Variants in WASHC5 observed in about 807,000 individuals in gnomAD.
WASHC5 encodes the protein WASH complex subunit strumpellin.
Under a neutral mutation model 150.4 loss-of-function variants are expected in WASHC5, and 101 were observed. That is an observed-to-expected ratio of 0.67 (90% confidence interval 0.57 to 0.79). WASHC5 has a LOEUF of 0.79. WASHC5 is among the 30% of genes least tolerant of loss of function. The pLI is 0.00. For synonymous variants in WASHC5, 467 were observed against 491.2 expected (o/e 0.95, Z 0.65); for missense variants, 1,195 against 1,396.3 (o/e 0.86, Z 2.30).
At position 125,024,640 on chromosome 8, in the gene WASHC5, C is replaced by A. The variant is rs1200177583; in HGVS notation, c.3457G>T (p.Asp1153Tyr). 1.9e-6 allele frequency: 3 copies of A among 1,611,380 alleles called. No individual in the cohort carries two copies. Among genetic ancestry groups the A allele is most frequent in the Middle Eastern group, 3.3e-4 (2 of 6,070 alleles). Residue 1153 changes from aspartate (D) to tyrosine (Y), a missense_variant, in exon 29 of 29, where the codon GAT becomes TAT. Physicochemically the swap from Asp to Tyr is radical, Grantham distance 160. Coordinates refer to ENST00000318410, the MANE Select transcript of WASHC5 (RefSeq NM_014846.4). ...AGTTACAGCACTGTTCTGAACTCAT[C>A]AAAAATGAAATTAGGCACATGTGCT... ...AEAHVPNFIFDEFRTVL is the reference protein window; with the variant it reads ...AEAHVPNFIFYEFRTVL
At chr8:125,068,427 T>C (rs1816810485) in intron 9 of WASHC5, among the ~76,000 whole-genome samples, 1 of 152,190 alleles carries the variant, frequency 6.6e-6, no homozygotes, top group South Asian at 2.1e-4. Flanking sequence ...GCTGGGGGAA[T>C]TAAGTGTGCC....
intron 19 of WASHC5, among the ~76,000 whole-genome samples, chr8:125,048,191 A>G (rs1816130880): frequency 6.6e-6 from 1 of 152,230 alleles, no homozygotes; most frequent in African/African-American, 2.4e-5. Context: ...GTTGACATGC[A>G]TCCATGTAAT....
chr8:125,031,626 G>A (rs1027276961), intron 27 of WASHC5, among the ~76,000 whole-genome samples: 1 of 152,108 alleles, frequency 6.6e-6, no homozygotes, highest in Admixed American at 6.5e-5. Context: ...GACAGCAAAG[G>A]TTATGTAGCC....
rs72720509 is a variant in WASHC5, at chr8:125,029,494, A to G, written c.3336-787T>C. 6.1e-3 allele frequency among the ~76,000 whole-genome samples: 936 copies of G among 152,342 alleles called. 5 individuals are homozygous for G. The highest frequency in any genetic ancestry group is 9.3e-3 in the Non-Finnish European group (631 of 68,036). ...GGTGTGCTGGGTTCCCATCAGGAGT[A>G]TAAACTCCTCGAGGGCCTAGGTCAT... On this transcript the variant is annotated intron_variant, in intron 27 of 28. Transcript: ENST00000318410.
At position 125,038,454 on chromosome 8, in the gene WASHC5, TATG is replaced by T. The variant is rs572043467; in HGVS notation, c.3084+373_3084+375del. Among the ~76,000 whole-genome samples, 22 of 152,346 alleles carry T rather than the reference TATG, an allele frequency of 1.4e-4. No homozygotes were observed. The East Asian group carries it at 3.9e-3, about 27-fold the overall frequency. ...ACTGCAGGGAAGAGTTTGTAGCTTC[TATG>T]ATGAGTGGGATTACTGTCAGCCACA... On this transcript the variant is annotated intron_variant, in intron 25 of 28. Transcript: ENST00000318410.
intron 12 of WASHC5, 123 bp downstream of exon 12, chr8:125,060,959 T>C: frequency 1.5e-6 from 1 of 685,462 alleles, no homozygotes; most frequent in Non-Finnish European, 2.7e-6. Flanking sequence ...AACATATTAA[T>C]TCACATCGCT....
At chr8:125,088,348 C>G (rs1415654030) in intron 1 of WASHC5, among the ~76,000 whole-genome samples, 1 of 151,198 alleles carries the variant, frequency 6.6e-6, no homozygotes, top group Non-Finnish European at 1.5e-5. Context: ...TTGCTTAAAC[C>G]CAGGAGGCGG....
intron 14 of WASHC5, 33 bp from the exon 15 acceptor site, chr8:125,057,699 T>A: frequency 7.4e-7 from 1 of 1,344,386 alleles, no homozygotes; most frequent in South Asian, 1.2e-5. Context: ...CTGTTTCTTG[T>A]TTCAAAAAGA....
intron 28 of WASHC5, among the ~76,000 whole-genome samples, chr8:125,026,214 G>GT (rs774217283): frequency 3.9e-4 from 60 of 152,108 alleles, no homozygotes; most frequent in Non-Finnish European, 7.2e-4. Context: ...GAATCCGAAG[G>GT]TTTGTCATTT....
chr8:125,079,135 T>TATATATATATATATATATATATATAC (rs35442808), intron 5 of WASHC5, among the ~76,000 whole-genome samples: 2 of 117,474 alleles, frequency 1.7e-5, no homozygotes, highest in African/African-American at 3.7e-5. Context: ...TATATATATA[T>TATATATATATATATATATATATATAC]ATATACATTT....
rs1415555042 is a variant in WASHC5, at chr8:125,032,400, A to G, written c.3182-6T>C. The G allele has an allele frequency of 6.2e-7, 1 of 1,613,704 alleles. No individual in the cohort carries two copies. Among genetic ancestry groups the G allele is most frequent in the Non-Finnish European group, 8.5e-7 (1 of 1,180,014 alleles). On this transcript the variant is annotated splice_polypyrimidine_tract_variant and splice_region_variant and intron_variant, in intron 26 of 28. Coordinates refer to ENST00000318410, the MANE Select transcript of WASHC5 (RefSeq NM_014846.4). ...CGGTTTTCGGCAGACCATTCCTGCA[A>G]GGGAACAAGTTGCAACACCATATGA...
chr8:125,029,029 ACT>A (rs1491459995), intron 27 of WASHC5, among the ~76,000 whole-genome samples: 23 of 124,920 alleles, frequency 1.8e-4, no homozygotes, highest in South Asian at 4.9e-4. Context: ...ATCCCTGCAC[ACT>A]TTTTTTTTTT....
chr8:125,084,195 A>T (rs192946688), intron 1 of WASHC5, among the ~76,000 whole-genome samples, 173 bp from the exon 2 acceptor site: 1 of 152,194 alleles, frequency 6.6e-6, no homozygotes, highest in East Asian at 1.9e-4. Context: ...ATGTGGAGGG[A>T]CTTTGCTAGA....
chr8:125,050,572 G>C lies in WASHC5; in HGVS notation c.2191C>G (p.Arg731Gly), dbSNP rs201948254. 5 of 1,613,338 alleles carry C rather than the reference G, an allele frequency of 3.1e-6. No individual in the cohort carries two copies. The African/African-American group carries it at 4.0e-5, about 13-fold the overall frequency. ...CTCTGGTCACTGGGTACCTTGGCTCGAGGGTTGAATATCAGTCCCCTATGC... is the reference window on the plus strand; with the variant it reads ...CTCTGGTCACTGGGTACCTTGGCTCCAGGGTTGAATATCAGTCCCCTATGC... ...ALHRGLIFNP[R>G]AKPSELMPKL... The change falls in exon 18 of 29, where the codon CGA becomes GGA. Residue 731 changes from arginine to glycine, a missense_variant. Around this residue, in one of 3 missense-constraint regions of WASHC5, gnomAD observed 997 missense variants for 1,168.1 expected, o/e 0.85. Coordinates refer to ENST00000318410, the MANE Select transcript of WASHC5 (RefSeq NM_014846.4).
In WASHC5 at chr8:125,073,209, C is replaced by G. The variant is rs756457820; in HGVS notation, c.1094G>C (p.Cys365Ser). Residue 365 changes from cysteine to serine, a missense_variant, in exon 9 of 29, where the codon TGC (cysteine) becomes TCC (serine). Physicochemically the swap from Cys to Ser is moderately radical, Grantham distance 112. Around this residue, in one of 3 missense-constraint regions of WASHC5, gnomAD observed 997 missense variants for 1,168.1 expected, o/e 0.85. Coordinates refer to ENST00000318410, the MANE Select transcript of WASHC5 (RefSeq NM_014846.4). ...VLDNIPKLLNCLRDCNVAIRW... is the reference protein window; with the variant it reads ...VLDNIPKLLNSLRDCNVAIRW... ...GATGGCAACATTGCAGTCTCTCAGG[C>G]AGTTCAGAAGCTTTGGGATATTGTC... 10 of 1,614,030 alleles carry G rather than the reference C, an allele frequency of 6.2e-6. No individual in the cohort carries two copies. The African/African-American group carries it at 8.0e-5, about 13-fold the overall frequency.
chr8:125,039,715 G>A, intron 24 of WASHC5, 80 bp downstream of exon 24: 1 of 948,570 alleles, frequency 1.1e-6, no homozygotes, highest in Non-Finnish European at 1.7e-6. Context: ...ACTTAAAAGA[G>A]TAAGAACTGA....
chr8:125,028,529 C>T, intron 28 of WASHC5, 91 bp downstream of exon 28: 2 of 875,034 alleles, frequency 2.3e-6, no homozygotes. Context: ...TGTGAACGAC[C>T]TATTGGGCTT....
At chr8:125,065,410 T>C (rs1031618170) in intron 10 of WASHC5, among the ~76,000 whole-genome samples, 6 of 152,142 alleles carry the variant, frequency 3.9e-5, no homozygotes, top group Admixed American at 2.6e-4. Context: ...CCTGTCTACC[T>C]GGATAGACAG....
chr8:125,077,133 G>A (rs1456531895), intron 6 of WASHC5, among the ~76,000 whole-genome samples: 2 of 152,150 alleles, frequency 1.3e-5, no homozygotes, highest in Admixed American at 6.5e-5. Flanking sequence ...AGAAATCTTT[G>A]GATGCACAAA....
Sources: gnomAD v4.1 joint callset for allele counts (sites outside exome capture counted in the v4.1 genomes callset) on GRCh38, gnomAD v4.1.1 for gene constraint, gnomAD v4.1.1 regional missense constraint, MANE v1.5 for transcripts, NCBI Gene and HGNC (gene_info 2026-07-23, HGNC 2026-07-21) for gene names.